MUSK: variants seen among roughly 807,000 people sequenced by gnomAD.
MUSK encodes muscle, skeletal receptor tyrosine-protein kinase.
Under a neutral mutation model 88.7 loss-of-function variants are expected in MUSK, and 55 were observed. The observed-to-expected ratio is 0.62, with a 90% CI of 0.50 to 0.78. The LOEUF (loss-of-function observed/expected upper bound fraction) is 0.78. Among genes scored for constraint, MUSK ranks in the 30% least tolerant of loss-of-function variants. The probability of loss-of-function intolerance (pLI) is 0.00; values close to 1 mark genes in which losing one functional copy is unlikely to be tolerated. For missense variants in MUSK, 1,015 were observed against 1,074.3 expected (o/e 0.94, Z 0.77); for synonymous variants, 387 against 391.9 (o/e 0.99, Z 0.15).
At chr9:110,738,909 A>G (rs777848095) in intron 6 of MUSK, among the ~76,000 whole-genome samples, 3 of 152,108 alleles carry the variant, frequency 2.0e-5, no homozygotes, top group Non-Finnish European at 4.4e-5. Flanking sequence ...CAAGTCCCCA[A>G]TTTGTTAGTT....
chr9:110,738,037 C>A (rs974268882), intron 6 of MUSK, among the ~76,000 whole-genome samples: 1 of 152,058 alleles, frequency 6.6e-6, no homozygotes, highest in East Asian at 1.9e-4. Flanking sequence ...TGCTTACAGC[C>A]CCTGCTATCT....
At chr9:110,707,642 G>A (rs528089624) in intron 5 of MUSK, among the ~76,000 whole-genome samples, 1 of 152,204 alleles carries the variant, frequency 6.6e-6, no homozygotes, top group Non-Finnish European at 1.5e-5. Flanking sequence ...TCAAGAGAGG[G>A]CTGTCAGTCA....
intron 5 of MUSK, among the ~76,000 whole-genome samples, chr9:110,717,406 T>A (rs2076757740): frequency 6.7e-6 from 1 of 150,006 alleles, no homozygotes; most frequent in Admixed American, 6.6e-5. Flanking sequence ...AAGCATCTTA[T>A]CATTCTTTAA....
chr9:110,712,015 A>T (rs1277363527), intron 5 of MUSK, among the ~76,000 whole-genome samples: 1 of 152,146 alleles, frequency 6.6e-6, no homozygotes, highest in Non-Finnish European at 1.5e-5. Flanking sequence ...CAAAAAACCC[A>T]ATCTGGCTCT....
Position 110,800,925 on chromosome 9 carries a change from C to T in MUSK, c.2547C>T (p.Phe849=), listed in dbSNP as rs2078087511. The part of the protein sequence containing the change: ...WSKLPADRPS[F]TSIHRILERM... ...AGCTGCCTGCAGACAGACCCAGTTT[C>T]ACCAGTATTCACCGAATTCTGGAAC... is the stretch of plus-strand genomic sequence containing the variant. The change falls in exon 15 of 15, where the codon TTC becomes TTT. Residue 849 remains phenylalanine (F), a synonymous_variant. Coordinates refer to ENST00000374448, the MANE Select transcript of MUSK (RefSeq NM_005592.4). 6.5e-7 allele frequency: 1 copy of T among 1,531,470 alleles called. No individual in the cohort carries two copies. The highest frequency in any genetic ancestry group is 8.8e-7 in the Non-Finnish European group (1 of 1,140,912). 94.9% of individuals were successfully genotyped at this position (1,531,470 alleles called of 1,614,324 possible).
intron 6 of MUSK, among the ~76,000 whole-genome samples, chr9:110,745,024 G>T (rs528031741): frequency 2.0e-5 from 3 of 152,246 alleles, no homozygotes; most frequent in African/African-American, 7.2e-5. Context: ...CATGAAGAAA[G>T]AAAAACAAAT....
intron 5 of MUSK, chr9:110,728,360 C>A (rs780086256): frequency 3.4e-6 from 1 of 290,980 alleles, no homozygotes; most frequent in African/African-American, 2.2e-5. Context: ...CACTCTGTAG[C>A]CTTGAAAGAA....
chr9:110,695,617 C>G, intron 4 of MUSK, 87 bp downstream of exon 4: 1 of 1,109,214 alleles, frequency 9.0e-7, no homozygotes, highest in African/African-American at 1.6e-5. Context: ...CACTTACAAA[C>G]TTCTAGTATA....
chr9:110,685,018 ACAGTGAG>A (rs1228076162), intron 2 of MUSK, among the ~76,000 whole-genome samples: 1 of 152,104 alleles, frequency 6.6e-6, no homozygotes, highest in Non-Finnish European at 1.5e-5. Context: ...AACAGTGGTG[ACAGTGAG>A]CATCCTTGTT....
chr9:110,679,097 ATTATATCTAGTGTTAATTTTGATGT>A (rs2076071432), intron 1 of MUSK, among the ~76,000 whole-genome samples: 1 of 152,054 alleles, frequency 6.6e-6, no homozygotes, highest in South Asian at 2.1e-4. Flanking sequence ...ATAAATGTAC[ATTATATCTAGTGTTAATTTTGATGT>A]TTATATCTTC....
At chr9:110,701,642 G>T in intron 5 of MUSK, among the ~76,000 whole-genome samples, 1 of 125,820 alleles carries the variant, frequency 7.9e-6, no homozygotes, top group Non-Finnish European at 1.7e-5. Context: ...GTGCACTACT[G>T]TGCTCAGCTA....
At chr9:110,770,472 ATATAAT>A (rs1159104695) in intron 9 of MUSK, among the ~76,000 whole-genome samples, 3 of 146,890 alleles carry the variant, frequency 2.0e-5, no homozygotes, top group Non-Finnish European at 4.5e-5. Flanking sequence ...TATAATTAAT[ATATAAT>A]TATAATTATA....
chr9:110,688,960 A>C (rs1199562019), intron 3 of MUSK, among the ~76,000 whole-genome samples: 1 of 145,554 alleles, frequency 6.9e-6, no homozygotes, highest in African/African-American at 2.5e-5. Context: ...TTAAATATAA[A>C]TACATACATA....
intron 7 of MUSK, among the ~76,000 whole-genome samples, chr9:110,755,412 T>C (rs1357459913): frequency 6.6e-6 from 1 of 152,214 alleles, no homozygotes; most frequent in Non-Finnish European, 1.5e-5. Flanking sequence ...AGGCTATATG[T>C]GTAACCAGTG....
intron 8 of MUSK, among the ~76,000 whole-genome samples, chr9:110,766,967 T>A: frequency 6.6e-6 from 1 of 152,202 alleles, no homozygotes; most frequent in Non-Finnish European, 1.5e-5. Context: ...GTGAAGAGAG[T>A]ACCAATAGCA....
chr9:110,761,428 A>G (rs578137406), intron 7 of MUSK, among the ~76,000 whole-genome samples: 14 of 151,882 alleles, frequency 9.2e-5, no homozygotes, highest in African/African-American at 3.2e-4. Flanking sequence ...TGAGGCAGCC[A>G]GGTCTATGAG....
chr9:110,723,658 T>C (rs1426825511), intron 5 of MUSK, among the ~76,000 whole-genome samples: 1 of 152,140 alleles, frequency 6.6e-6, no homozygotes, highest in African/African-American at 2.4e-5. Context: ...CAAGTACTTC[T>C]GAAAAATACT....
At position 110,668,911 on chromosome 9, in the gene MUSK, G is replaced by C. The variant is rs762340994; in HGVS notation, c.7G>C (p.Glu3Gln). 1.2e-6 allele frequency: 2 copies of C among 1,613,502 alleles called. No individual in the cohort carries two copies. The highest frequency in any genetic ancestry group is 8.5e-7 in the Non-Finnish European group (1 of 1,179,468). ...GCGTGAGCCTGGATTAATCATGAGA[G>C]AGCTCGTCAACATTCCACTGGTACA... MR[E>Q]LVNIPLVHIL... The change falls in exon 1 of 15, where the codon GAG becomes CAG. Residue 3 changes from glutamate to glutamine, a missense_variant. Physicochemically the swap from Glu to Gln is conservative, Grantham distance 29. Transcript: ENST00000374448.
intron 7 of MUSK, among the ~76,000 whole-genome samples, chr9:110,757,945 G>C (rs1476146962): frequency 6.6e-6 from 1 of 152,120 alleles, no homozygotes; most frequent in South Asian, 2.1e-4. Context: ...TTTATCAAGA[G>C]ATGTAATTGA....
Sources: allele counts gnomAD v4.1 joint callset (sites outside exome capture counted in the v4.1 genomes callset), GRCh38; gene constraint gnomAD v4.1.1; transcripts MANE v1.5; gene names NCBI Gene and HGNC (gene_info 2026-07-23, HGNC 2026-07-21).